Variants in COLEC12 observed in about 807,000 individuals in gnomAD.
COLEC12 encodes collectin subfamily member 12, also known as collectin-12.
COLEC12 carries 33 observed loss-of-function variants against 71.1 expected under a neutral mutation model. That is an observed-to-expected ratio of 0.46 (90% CI 0.35 to 0.62). The LOEUF (loss-of-function observed/expected upper bound fraction) is 0.62. Ranked by LOEUF, COLEC12 falls within the 20% of genes least tolerant of loss-of-function variation. The pLI is 0.00. For synonymous variants in COLEC12, 350 were observed against 353.0 expected, an observed-to-expected ratio of 0.99 and a Z score of 0.10; for missense variants, 765 against 916.1, an observed-to-expected ratio of 0.84 and a Z score of 2.13.
intron 2 of COLEC12, among the ~76,000 whole-genome samples, chr18:471,384 G>C (rs1016812839): frequency 6.8e-6 from 1 of 146,430 alleles, no homozygotes; most frequent in African/African-American, 2.5e-5. Context: ...TTCAAAATCT[G>C]CTTAAGACTA....
chr18:349,183 C>T (rs564984569), intron 3 of COLEC12, among the ~76,000 whole-genome samples: 21 of 152,324 alleles, frequency 1.4e-4, no homozygotes, highest in South Asian at 8.3e-4. Flanking sequence ...AAAATGGTTT[C>T]GTGGGCCAGG....
intron 1 of COLEC12, among the ~76,000 whole-genome samples, chr18:496,047 A>C (rs1195770294): frequency 6.6e-6 from 1 of 152,266 alleles, no homozygotes; most frequent in East Asian, 1.9e-4. Flanking sequence ...AGGGTGAAAC[A>C]TATTTTCTAT....
intron 2 of COLEC12, among the ~76,000 whole-genome samples, chr18:444,898 G>A (rs750366548): frequency 9.9e-5 from 15 of 152,172 alleles, no homozygotes; most frequent in Non-Finnish European, 1.9e-4. Flanking sequence ...CGTGTGCAGT[G>A]CTTTTCCAGA....
chr18:487,718 T>C (rs1354348896), intron 1 of COLEC12, among the ~76,000 whole-genome samples: 1 of 152,164 alleles, frequency 6.6e-6, no homozygotes, highest in East Asian at 1.9e-4. Flanking sequence ...GTCCCCTCCA[T>C]GGTAAAGATT....
chr18:456,107 C>T (rs1916867485), intron 2 of COLEC12, among the ~76,000 whole-genome samples: 1 of 152,122 alleles, frequency 6.6e-6, no homozygotes, highest in Admixed American at 6.5e-5. Context: ...GCAGTACCTT[C>T]TATGGAGCAT....
intron 2 of COLEC12, among the ~76,000 whole-genome samples, chr18:474,375 G>A (rs921531767): frequency 7.9e-5 from 12 of 152,188 alleles, no homozygotes; most frequent in Admixed American, 1.3e-4. Flanking sequence ...TCTTTCACAC[G>A]ACTTTCTCTT....
chr18:319,333 A>ATATATATATATAT lies in COLEC12; in HGVS notation c.*711_*712insATATATATATATA, dbSNP rs1400580381. On this transcript the variant is annotated 3_prime_UTR_variant, in exon 10 of 10. Coordinates refer to ENST00000400256, the MANE Select transcript of COLEC12 (RefSeq NM_130386.3). ...GGAAATGAAACATTAAAAAAAAAAA[A>ATATATATATATAT]AAAAAAAAATATATATATATATATA... 26 of 65,660 alleles carry ATATATATATATAT rather than the reference A, an allele frequency of 4.0e-4. No individual in the cohort carries two copies. The highest frequency in any genetic ancestry group is 7.1e-4 in the Non-Finnish European group (20 of 28,252). 4.1% of individuals were successfully genotyped at this position (65,660 alleles called of 1,614,324 possible).
At chr18:403,819 G>T (rs1915733912) in intron 2 of COLEC12, among the ~76,000 whole-genome samples, 3 of 152,200 alleles carry the variant, frequency 2.0e-5, no homozygotes, top group Admixed American at 1.3e-4. Context: ...GGCAGCCTCA[G>T]ATTCACCTGA....
intron 2 of COLEC12, among the ~76,000 whole-genome samples, chr18:388,533 G>A (rs984987340): frequency 2.6e-5 from 4 of 152,238 alleles, no homozygotes; most frequent in South Asian, 2.1e-4. Flanking sequence ...TTCTGTATGC[G>A]CATGGGTCTC....
chr18:410,442 CT>C (rs113699478), intron 2 of COLEC12, among the ~76,000 whole-genome samples: 8,123 of 144,286 alleles, frequency 0.056, 359 homozygotes, highest in African/African-American at 0.13. Context: ...AGTTGTTCTT[CT>C]TTTTTTTTTT....
At chr18:339,425 A>G (rs1335762447) in intron 5 of COLEC12, among the ~76,000 whole-genome samples, 2 of 152,242 alleles carry the variant, frequency 1.3e-5, no homozygotes, top group African/African-American at 4.8e-5. Context: ...ACAAGATTTC[A>G]GCAGGTGCTA....
chr18:405,510 T>C (rs1025568395), intron 2 of COLEC12, among the ~76,000 whole-genome samples: 7 of 152,156 alleles, frequency 4.6e-5, no homozygotes, highest in Non-Finnish European at 7.4e-5. Context: ...TTCCTCTCTT[T>C]GTACTGTCTC....
At chr18:498,363 C>CTT (rs542727500) in intron 1 of COLEC12, among the ~76,000 whole-genome samples, 9 of 100,722 alleles carry the variant, frequency 8.9e-5, no homozygotes, top group East Asian at 3.3e-4. Context: ...TATTTTTTTT[C>CTT]TTTTTTTTTT....
At chr18:368,860 C>T (rs577837948) in intron 2 of COLEC12, among the ~76,000 whole-genome samples, 4 of 152,200 alleles carry the variant, frequency 2.6e-5, no homozygotes, top group Non-Finnish European at 4.4e-5. Context: ...AGCGAGACTC[C>T]GTCTCAAAAA....
At chr18:431,437 G>A (rs569226136) in intron 2 of COLEC12, among the ~76,000 whole-genome samples, 75 of 152,310 alleles carry the variant, frequency 4.9e-4, no homozygotes, top group African/African-American at 1.7e-3. Context: ...CTTGAAGCAC[G>A]TTGGCAGATG....
At chr18:350,109 T>C (rs1265842738) in intron 3 of COLEC12, among the ~76,000 whole-genome samples, 1 of 152,228 alleles carries the variant, frequency 6.6e-6, no homozygotes, top group Non-Finnish European at 1.5e-5. Context: ...TGATACAGTT[T>C]GGCTGTATTC....
At chr18:394,366 G>T (rs12454569) in intron 2 of COLEC12, among the ~76,000 whole-genome samples, 23,826 of 152,236 alleles carry the variant, frequency 0.16, 1,908 homozygotes, top group East Asian at 0.25. Flanking sequence ...AGAGGGGGCT[G>T]GAAGTGGGAA....
chr18:486,204 G>C (rs1917515598), intron 1 of COLEC12, among the ~76,000 whole-genome samples: 1 of 151,348 alleles, frequency 6.6e-6, no homozygotes, highest in African/African-American at 2.4e-5. Flanking sequence ...TTTTCTTTTT[G>C]AGACAGAATC....
intron 2 of COLEC12, among the ~76,000 whole-genome samples, chr18:468,207 A>G (rs1917124788): frequency 6.6e-6 from 1 of 150,396 alleles, no homozygotes; most frequent in Admixed American, 6.7e-5. Context: ...GGTTGCAGTG[A>G]GCCGAGATCG....
Sources: allele counts gnomAD v4.1 joint callset (sites outside exome capture counted in the v4.1 genomes callset), GRCh38; gene constraint gnomAD v4.1.1; transcripts MANE v1.5; gene names NCBI Gene and HGNC (gene_info 2026-07-23, HGNC 2026-07-21).